The following UAP1L1 variants were observed in gnomAD, a reference collection of about 807,000 sequenced individuals.
UAP1L1 encodes the protein UDP-N-acetylhexosamine pyrophosphorylase-like protein 1.
In UAP1L1, 45 loss-of-function variants were observed where a neutral mutation model predicts 45.3. The observed-to-expected ratio is 0.99, with a 90% CI of 0.78 to 1.27. The LOEUF is 1.27. Ranked by LOEUF, UAP1L1 falls within the 50% of genes most tolerant of loss-of-function variation. The probability of loss-of-function intolerance (pLI) is 0.00; values close to 1 mark genes in which losing one functional copy is unlikely to be tolerated. For synonymous variants in UAP1L1, 323 were observed against 303.9 expected, an observed-to-expected ratio of 1.06 and a Z score of -0.65; for missense variants, 667 against 694.0, an observed-to-expected ratio of 0.96 and a Z score of 0.44.
At chr9:137,079,190 C>T in intron 4 of UAP1L1, 42 bp downstream of exon 4, 2 of 1,590,636 alleles carry the variant, frequency 1.3e-6, no homozygotes, top group Non-Finnish European at 1.7e-6. Flanking sequence ...CGAGGCTGGC[C>T]CCGCCCCTCA....
chr9:137,080,196 G>A (rs904705896), intron 6 of UAP1L1, 54 bp downstream of exon 6: 87 of 1,604,232 alleles, frequency 5.4e-5, no homozygotes, highest in Non-Finnish European at 7.4e-5. Flanking sequence ...AGTTTTGGTG[G>A]TGGGAACTGA....
At chr9:137,078,428 C>T (rs1376191754) in intron 2 of UAP1L1, 74 bp from the exon 3 acceptor site, 4 of 1,605,706 alleles carry the variant, frequency 2.5e-6, no homozygotes, top group Non-Finnish European at 3.4e-6. Context: ...ACCCCGATGC[C>T]GGCTCTGGTC....
intron 2 of UAP1L1, 26 bp downstream of exon 2, chr9:137,078,280 C>A: frequency 6.6e-7 from 1 of 1,520,116 alleles, no homozygotes; most frequent in South Asian, 1.2e-5. Context: ...CCTACCTCGG[C>A]CCGGAGGTAC....
At chr9:137,079,584 G>A in intron 5 of UAP1L1, 135 bp downstream of exon 5, 1 of 811,466 alleles carries the variant, frequency 1.2e-6, no homozygotes, top group Admixed American at 2.8e-5. Context: ...AGGCACGGCT[G>A]ATGGGTCGGG....
rs1003257470 is a variant in UAP1L1 at position 137,077,999 on chromosome 9, CGG to C, written c.290-50_290-49del. ...GCCCCAGAGTTGGTTTCCCCTAAAGCGGAAGGGTGGGCGGGTCCCGGGCGTCC... is the reference window on the plus strand; with the variant it reads ...GCCCCAGAGTTGGTTTCCCCTAAAGCAAGGGTGGGCGGGTCCCGGGCGTCC... On this transcript the variant is annotated intron_variant, in intron 1 of 8. Transcript: ENST00000409858. The surrounding 1 kb of genome is among the most constrained non-coding windows in gnomAD (Gnocchi z 4.7). 2.6e-6 allele frequency: 4 copies of C among 1,539,584 alleles called. No homozygotes were observed. In the African/African-American group the frequency reaches 5.5e-5, roughly 21 times the overall value.
chr9:137,080,970 C>A, intron 7 of UAP1L1, 96 bp downstream of exon 7: 5 of 1,265,466 alleles, frequency 4.0e-6, no homozygotes, highest in Non-Finnish European at 5.3e-6. Context: ...GACAGCCATG[C>A]TGGGGAGGGG....
At position 137,079,152 on chromosome 9, in the gene UAP1L1, AGCGCCCGACTGCGCG is replaced by A. The variant is rs1832748164; in HGVS notation, c.843+11_843+25del. 1 of 1,607,352 alleles carries A rather than the reference AGCGCCCGACTGCGCG, an allele frequency of 6.2e-7. No individual in the cohort carries two copies. Among genetic ancestry groups the A allele is most frequent in the African/African-American group, 1.3e-5 (1 of 74,714 alleles). On this transcript the variant is annotated splice_donor_5th_base_variant and intron_variant, in intron 4 of 8. Coordinates refer to ENST00000409858, the MANE Select transcript of UAP1L1 (RefSeq NM_207309.3). Reference sequence around the variant, plus strand: ...GGGCGCAGACTGTGGCGCCAAGGTTAGCGCCCGACTGCGCGGCGCCCCGCACCCGAGGCTGGCCCC... The same window carrying A: ...GGGCGCAGACTGTGGCGCCAAGGTTAGCGCCCCGCACCCGAGGCTGGCCCC...
rs1564267832 is a variant in UAP1L1 at position 137,080,819 on chromosome 9, CGGGCCGGGGCCCG to C, written c.1310_1322del (p.Arg437ProfsTer39). ...CACCCAGCACTACCGGTGGGCTCTG[CGGGCCGGGGCCCG>C]CTTCCTGGATGCCCATGGGGCCTGG... On this transcript the variant is annotated frameshift_variant, in exon 7 of 9. Coordinates refer to ENST00000409858, the MANE Select transcript of UAP1L1 (RefSeq NM_207309.3). LOFTEE classifies it high-confidence loss of function. 4.3e-6 allele frequency: 7 copies of C among 1,610,188 alleles called. No individual in the cohort carries two copies. The highest frequency in any genetic ancestry group is 5.9e-6 in the Non-Finnish European group (7 of 1,179,440).
rs758201601 is a variant in UAP1L1 at position 137,080,756 on chromosome 9, G to A, written c.1246G>A (p.Asp416Asn). The A allele has an allele frequency of 7.4e-6, 12 of 1,612,710 alleles. No homozygotes were observed. In the East Asian group the frequency reaches 8.9e-5, roughly 12 times the overall value. ...FSPLKNAEPADRDSPRTARQA... is the reference protein window; with the variant it reads ...FSPLKNAEPANRDSPRTARQA... ...CCCACTGAAGAACGCAGAGCCAGCCGACAGGGACAGTCCCCGCACCGCTCG... is the reference window on the plus strand; with the variant it reads ...CCCACTGAAGAACGCAGAGCCAGCCAACAGGGACAGTCCCCGCACCGCTCG... Residue 416 changes from aspartate (D) to asparagine (N), a missense_variant, in exon 7 of 9, where the codon GAC becomes AAC. Physicochemically the swap from Asp to Asn is conservative, Grantham distance 23. Coordinates refer to ENST00000409858, the MANE Select transcript of UAP1L1 (RefSeq NM_207309.3).
At chr9:137,079,813 G>A in intron 5 of UAP1L1, 189 bp from the exon 6 acceptor site, 1 of 678,342 alleles carries the variant, frequency 1.5e-6, no homozygotes, top group East Asian at 2.7e-5. Flanking sequence ...TTGGCACAGG[G>A]ATGCAGGGAG....
chr9:137,080,946 C>CAACAGGGCT, intron 7 of UAP1L1, 72 bp downstream of exon 7: 1 of 1,403,244 alleles, frequency 7.1e-7, no homozygotes, highest in Non-Finnish European at 9.4e-7. Flanking sequence ...GCTCCAGAGC[C>CAACAGGGCT]CTGTTGGCTC....
In UAP1L1 at chr9:137,079,399, C is replaced by A; in HGVS notation, c.987C>A (p.Gly329=). 1 of 1,605,840 alleles carries A rather than the reference C, an allele frequency of 6.2e-7. No homozygotes were observed. Among genetic ancestry groups the A allele is most frequent in the Non-Finnish European group, 8.5e-7 (1 of 1,174,656 alleles). Residue 329 remains glycine, a synonymous_variant, in exon 5 of 9, where the codon GGC becomes GGA. Coordinates refer to ENST00000409858, the MANE Select transcript of UAP1L1 (RefSeq NM_207309.3). ...ACGGGAGCCTGCTGTACAATGCAGG[C>A]AACATCTGCAACCACTTCTTCACCC... ...ASDGSLLYNA[G]NICNHFFTRG... is the part of the protein sequence containing the mutation.
At chr9:137,078,013 G>A (rs1483836458) in intron 1 of UAP1L1, 37 bp from the exon 2 acceptor site, 22 of 1,542,304 alleles carry the variant, frequency 1.4e-5, no homozygotes, top group East Asian at 2.4e-5. Flanking sequence ...AGGGTGGGCG[G>A]GTCCCGGGCG....
Position 137,082,191 on chromosome 9 carries a change from T to C in UAP1L1, c.1431+127T>C. 1 of 942,616 alleles carries C rather than the reference T, an allele frequency of 1.1e-6. No homozygotes were observed. The highest frequency in any genetic ancestry group is 1.7e-6 in the Non-Finnish European group (1 of 585,178). The allele number at this position is 942,616 out of a possible 1,614,324, so 58.4% of individuals were successfully genotyped here. A position where few individuals can be genotyped will look rare whatever the true frequency, so the allele number is the denominator to read the frequency against. Reference sequence around the variant, plus strand: ...CGGTTAACCAATGGGGTCGGTGGTTTAAATTTGCAGAAGACTTTCCAAGAT... The same window carrying C: ...CGGTTAACCAATGGGGTCGGTGGTTCAAATTTGCAGAAGACTTTCCAAGAT... On this transcript the variant is annotated intron_variant, in intron 8 of 8. Transcript: ENST00000409858. This position sits in a 1 kb window ranked among gnomAD's most constrained non-coding sequence, Gnocchi z 5.7.
In UAP1L1 at chr9:137,080,711, C is replaced by G. The variant is rs774594953; in HGVS notation, c.1201C>G (p.Leu401Val). 7.4e-6 allele frequency: 12 copies of G among 1,611,994 alleles called. No homozygotes were observed. The highest frequency in any genetic ancestry group is 9.3e-6 in the Non-Finnish European group (11 of 1,179,538). Residue 401 changes from leucine to valine, a missense_variant, in exon 7 of 9, where the codon CTG becomes GTG. By Grantham distance (32) the Leu-to-Val change is conservative. Transcript: ENST00000409858. The part of the protein sequence containing the change: ...FAKNFAALEV[L>V]REEEFSPLKN... ...CAGGAACTTTGCTGCCTTGGAAGTG[C>G]TGCGGGAGGAGGAATTTTCCCCACT...
chr9:137,079,160 A>G lies in UAP1L1; in HGVS notation c.843+12A>G. On this transcript the variant is annotated intron_variant, in intron 4 of 8. Transcript: ENST00000409858. ...ACTGTGGCGCCAAGGTTAGCGCCCG[A>G]CTGCGCGGCGCCCCGCACCCGAGGC... 1 of 1,605,792 alleles carries G rather than the reference A, an allele frequency of 6.2e-7. No homozygotes were observed. The highest frequency in any genetic ancestry group is 8.5e-7 in the Non-Finnish European group (1 of 1,177,638).
rs1163892875 is a variant in UAP1L1 at position 137,080,090 on chromosome 9, C to T, written c.1126C>T (p.Pro376Ser). The change falls in exon 6 of 9, where the codon CCG (proline) becomes TCG (serine). Residue 376 changes from proline (P) to serine (S), a missense_variant. Pro to Ser is a moderately conservative substitution (Grantham distance 74, BLOSUM62 -1). Transcript: ENST00000409858. ...GGGGAATCTGGTAAAGCCGCTAAAACCGAACGGGATAAAGATGGAGAAGTT... is the reference window on the plus strand; with the variant it reads ...GGGGAATCTGGTAAAGCCGCTAAAATCGAACGGGATAAAGATGGAGAAGTT... ...EEGNLVKPLKPNGIKMEKFVF... is the reference protein window; with the variant it reads ...EEGNLVKPLKSNGIKMEKFVF... 2 of 1,614,220 alleles carry T rather than the reference C, an allele frequency of 1.2e-6. No individual in the cohort carries two copies. The highest frequency in any genetic ancestry group is 1.1e-5 in the South Asian group (1 of 91,090).
rs552880267 is a variant in UAP1L1, at chr9:137,081,058, C to G, written c.1364+184C>G. 2.6e-5 allele frequency among the ~76,000 whole-genome samples: 4 copies of G among 152,356 alleles called. No homozygotes were observed. The East Asian group carries it at 7.7e-4, about 29-fold the overall frequency. On this transcript the variant is annotated intron_variant, in intron 7 of 8. Coordinates refer to ENST00000409858, the MANE Select transcript of UAP1L1 (RefSeq NM_207309.3). Reference sequence around the variant, plus strand: ...CCAGGTCACACGGTGACTGTCGGCACAGCCTCCTGGCCCGACCCTTCAAGT... The same window carrying G: ...CCAGGTCACACGGTGACTGTCGGCAGAGCCTCCTGGCCCGACCCTTCAAGT...
chr9:137,082,259 C>A lies in UAP1L1; in HGVS notation c.1431+195C>A. ...GAGGCATCCAGAGGCCTTTGCAGGT[C>A]CTGGGAGGGCATGGGGATGAGACAG... On this transcript the variant is annotated intron_variant, in intron 8 of 8. Coordinates refer to ENST00000409858, the MANE Select transcript of UAP1L1 (RefSeq NM_207309.3). The surrounding 1 kb of genome is among the most constrained non-coding windows in gnomAD (Gnocchi z 5.7). 1 of 634,294 alleles carries A rather than the reference C, an allele frequency of 1.6e-6. No homozygotes were observed. 39.3% of individuals were successfully genotyped at this position (634,294 alleles called of 1,614,324 possible).
Sources: gnomAD v4.1 joint callset for allele counts (sites outside exome capture counted in the v4.1 genomes callset) on GRCh38, gnomAD v4.1.1 for gene constraint, Gnocchi (gnomAD v3.1) non-coding constraint, MANE v1.5 for transcripts, NCBI Gene and HGNC (gene_info 2026-07-23, HGNC 2026-07-21) for gene names.